LRRC3B: variants seen among roughly 807,000 people sequenced by gnomAD.
The protein encoded by LRRC3B is leucine rich repeat containing 3B.
A neutral mutation model predicts 12.8 loss-of-function variants in LRRC3B; 2 were observed. The observed-to-expected ratio is 0.16, with a 90% CI of 0.06 to 0.49. The LOEUF is 0.49. Ranked by LOEUF, LRRC3B falls within the 20% of genes least tolerant of loss-of-function variation. The pLI, the probability that LRRC3B is intolerant of heterozygous loss-of-function variation, is 0.96. For synonymous variants in LRRC3B, 132 were observed against 122.0 expected, an observed-to-expected ratio of 1.08 and a Z score of -0.54; for missense variants, 189 against 319.4, an observed-to-expected ratio of 0.59 and a Z score of 3.11.
At chr3:26,643,856 C>A (rs1436417598) in intron 1 of LRRC3B, among the ~76,000 whole-genome samples, 2 of 152,152 alleles carry the variant, frequency 1.3e-5, no homozygotes, top group East Asian at 3.9e-4. Context: ...GCCGGGCAAC[C>A]TTGGCATTTT....
chr3:26,639,677 A>G (rs1041060716), intron 1 of LRRC3B, among the ~76,000 whole-genome samples: 1 of 152,178 alleles, frequency 6.6e-6, no homozygotes, highest in Non-Finnish European at 1.5e-5. Flanking sequence ...CGAAGAAACA[A>G]TTGGAGAGGA....
intron 1 of LRRC3B, among the ~76,000 whole-genome samples, chr3:26,643,253 T>G (rs1200878812): frequency 8.2e-6 from 1 of 121,862 alleles, no homozygotes; most frequent in Non-Finnish European, 1.7e-5. Context: ...CACATATGTG[T>G]GAGTGTGTGT....
At chr3:26,643,753 G>T (rs118161619) in intron 1 of LRRC3B, among the ~76,000 whole-genome samples, 2 of 152,324 alleles carry the variant, frequency 1.3e-5, no homozygotes, top group East Asian at 3.9e-4. Flanking sequence ...GAATGAGGAT[G>T]CAGTGAGTCT....
intron 1 of LRRC3B, among the ~76,000 whole-genome samples, chr3:26,705,856 T>C (rs573136477): frequency 1.1e-4 from 16 of 152,306 alleles, no homozygotes; most frequent in African/African-American, 3.6e-4. Context: ...TAAAGCAATG[T>C]CAAACTGATA....
chr3:26,649,038 T>C (rs1699211411), intron 1 of LRRC3B, among the ~76,000 whole-genome samples: 2 of 152,190 alleles, frequency 1.3e-5, no homozygotes, highest in Non-Finnish European at 2.9e-5. Context: ...ACAAATTAAG[T>C]GCAGCCCTGA....
rs116871440 is a variant in LRRC3B, at chr3:26,655,461, A to G, written c.-161+32224A>G. Among the ~76,000 whole-genome samples the G allele has an allele frequency of 4.1e-4, 63 of 152,328 alleles. 1 individual carries two copies. In the East Asian group the frequency reaches 0.012, roughly 29 times the overall value. ...GTAAAAGCCAAACTCGAGCCTTCCT[A>G]CAATGGACATGACTAAGGCATTTTA... On this transcript the variant is annotated intron_variant, in intron 1 of 1. Coordinates refer to ENST00000396641, the Ensembl canonical transcript of LRRC3B.
chr3:26,643,290 GTA>G (rs145205386), intron 1 of LRRC3B, among the ~76,000 whole-genome samples: 2 of 150,806 alleles, frequency 1.3e-5, no homozygotes, highest in Non-Finnish European at 3.0e-5. Context: ...ACATGTATAT[GTA>G]TATATATATG....
chr3:26,641,229 T>A (rs1699024703), intron 1 of LRRC3B, among the ~76,000 whole-genome samples: 1 of 152,140 alleles, frequency 6.6e-6, no homozygotes, highest in Non-Finnish European at 1.5e-5. Context: ...AACTAGGACC[T>A]GTGCCCCAGT....
At chr3:26,703,954 TGTAAA>T (rs944871786) in intron 1 of LRRC3B, among the ~76,000 whole-genome samples, 9 of 152,014 alleles carry the variant, frequency 5.9e-5, no homozygotes, top group South Asian at 2.1e-4. Flanking sequence ...AAATATTTAT[TGTAAA>T]ATAAAATAAA....
At chr3:26,631,292 A>G (rs1698752922) in intron 1 of LRRC3B, among the ~76,000 whole-genome samples, 1 of 152,178 alleles carries the variant, frequency 6.6e-6, no homozygotes, top group African/African-American at 2.4e-5. Flanking sequence ...ATGAGGGTGA[A>G]TTATCAGACT....
At chr3:26,681,954 A>G (rs1262138037) in intron 1 of LRRC3B, among the ~76,000 whole-genome samples, 1 of 152,168 alleles carries the variant, frequency 6.6e-6, no homozygotes, top group Non-Finnish European at 1.5e-5. Context: ...ATTTCTTGTC[A>G]TATTATATCC....
At chr3:26,689,526 T>A (rs1254958051) in intron 1 of LRRC3B, among the ~76,000 whole-genome samples, 1 of 152,204 alleles carries the variant, frequency 6.6e-6, no homozygotes, top group South Asian at 2.1e-4. Context: ...AATACTGTTG[T>A]TTCCATTTCC....
At chr3:26,675,912 G>A (rs1310061287) in intron 1 of LRRC3B, among the ~76,000 whole-genome samples, 1 of 150,554 alleles carries the variant, frequency 6.6e-6, no homozygotes, top group African/African-American at 2.4e-5. Context: ...AATAAAATGT[G>A]GGAATCTGAC....
intron 1 of LRRC3B, among the ~76,000 whole-genome samples, chr3:26,649,907 G>C (rs1023098950): frequency 2.6e-5 from 4 of 151,998 alleles, no homozygotes; most frequent in Non-Finnish European, 4.4e-5. Flanking sequence ...CCCCGATGTA[G>C]CCCCCACTTG....
chr3:26,686,872 T>G (rs2125446180), intron 1 of LRRC3B, among the ~76,000 whole-genome samples: 1 of 152,216 alleles, frequency 6.6e-6, no homozygotes, highest in South Asian at 2.1e-4. Context: ...TCCTTCAGAG[T>G]TGTCCCATAT....
At chr3:26,709,870 A>G (rs1700705684) in exon 2 of LRRC3B, 1 of 1,614,150 alleles carries the variant, frequency 6.2e-7, no homozygotes, top group East Asian at 2.2e-5. Context: ...CTCCTGAAAC[A>G]GTCTTACTGT....
chr3:26,709,547 C>T lies in LRRC3B; in HGVS notation c.-126C>T, dbSNP rs540996963. ...CAAGGAAAGAAATAATGAAGAGACA[C>T]ATGTGTTAGCTGCAGCCTTTTGAAA... On this transcript the variant is annotated 5_prime_UTR_variant, in exon 2 of 2. Transcript: ENST00000396641. 79 of 874,864 alleles carry T rather than the reference C, an allele frequency of 9.0e-5. No individual in the cohort carries two copies. The East Asian group carries it at 1.5e-3, about 16-fold the overall frequency. 54.2% of individuals were successfully genotyped at this position (874,864 alleles called of 1,614,324 possible). A position where few individuals can be genotyped will look rare whatever the true frequency, so the allele number is the denominator to read the frequency against.
chr3:26,680,868 G>A (rs972839033), intron 1 of LRRC3B, among the ~76,000 whole-genome samples: 22 of 152,166 alleles, frequency 1.4e-4, no homozygotes, highest in African/African-American at 5.3e-4. Flanking sequence ...TTTCAGAAAA[G>A]CATCCTAATC....
At chr3:26,641,152 G>A (rs1229755474) in intron 1 of LRRC3B, among the ~76,000 whole-genome samples, 1 of 152,110 alleles carries the variant, frequency 6.6e-6, no homozygotes, top group Non-Finnish European at 1.5e-5. Flanking sequence ...GGTCAGCAGG[G>A]CTCAGAGAAG....
Sources: allele counts gnomAD v4.1 joint callset (sites outside exome capture counted in the v4.1 genomes callset), GRCh38; gene constraint gnomAD v4.1.1; transcripts MANE v1.5; gene names NCBI Gene and HGNC (gene_info 2026-07-23, HGNC 2026-07-21).